Variants in BCAS3 observed in about 807,000 individuals in gnomAD.
BCAS3 encodes BCAS4/BCAS3 fusion.
In BCAS3, 53 loss-of-function variants were observed where a neutral mutation model predicts 116.1. That is an observed-to-expected ratio of 0.46 (90% CI 0.37 to 0.57). The LOEUF is 0.57. Ranked by LOEUF, BCAS3 falls within the 20% of genes least tolerant of loss-of-function variation. The pLI is 0.00. For missense variants in BCAS3, 917 were observed against 1,165.4 expected (o/e 0.79, Z 3.10); for synonymous variants, 391 against 408.2 (o/e 0.96, Z 0.51).
chr17:61,052,441 T>G (rs2068943958), intron 19 of BCAS3, among the ~76,000 whole-genome samples: 1 of 152,162 alleles, frequency 6.6e-6, no homozygotes, highest in South Asian at 2.1e-4. Flanking sequence ...TGGAATATTA[T>G]GGAACCATAG....
At chr17:60,723,843 T>C (rs1326341468) in intron 5 of BCAS3, among the ~76,000 whole-genome samples, 1 of 150,398 alleles carries the variant, frequency 6.6e-6, no homozygotes, top group African/African-American at 2.4e-5. Flanking sequence ...CTCAGCCTTC[T>C]GAGTAGCTAG....
rs1284953836 is a variant in BCAS3, at chr17:61,017,798, T to G, written c.1637+1897T>G. On this transcript the variant is annotated intron_variant, in intron 16 of 23. Transcript: ENST00000407086. This position sits in a 1 kb window ranked among gnomAD's most constrained non-coding sequence, Gnocchi z 4.7. The stretch of plus-strand genomic sequence containing the variant: ...CATAAGAAGATAAAATCTCTTGCTT[T>G]CTTTCTCTCTCTCTCCCTCTTACAA... 3.9e-5 allele frequency among the ~76,000 whole-genome samples: 6 copies of G among 152,178 alleles called. No individual in the cohort carries two copies. The highest frequency in any genetic ancestry group is 1.4e-4 in the African/African-American group (6 of 41,454).
rs2058862737 is a variant in BCAS3, at chr17:61,368,532, G to A, written c.2593+38G>A. On this transcript the variant is annotated intron_variant, in intron 23 of 23. Coordinates refer to ENST00000407086, the MANE Select transcript of BCAS3 (RefSeq NM_017679.5). This position sits in a 1 kb window ranked among gnomAD's most constrained non-coding sequence, Gnocchi z 6.0. ...TCAGACTTCTAGCCTGATTTGGTCA[G>A]GACCAGCACCTGTTGGTGCAGAGCT... The A allele has an allele frequency of 1.9e-6, 3 of 1,552,880 alleles. No homozygotes were observed. The highest frequency in any genetic ancestry group is 2.7e-5 in the African/African-American group (2 of 73,684).
In BCAS3 at chr17:61,213,447, T is replaced by G. The variant is rs1601942921; in HGVS notation, c.2425+128883T>G. On this transcript the variant is annotated intron_variant, in intron 22 of 23. Coordinates refer to ENST00000407086, the MANE Select transcript of BCAS3 (RefSeq NM_017679.5). This position sits in a 1 kb window ranked among gnomAD's most constrained non-coding sequence, Gnocchi z 5.4. The stretch of plus-strand genomic sequence containing the variant: ...CTTCCCAAAGTGCTGGGATTACAGG[T>G]GTGAGCCACCGCGCCTGGCCTATTC... Among the ~76,000 whole-genome samples the G allele has an allele frequency of 6.6e-6, 1 of 152,234 alleles. No individual in the cohort carries two copies. Among genetic ancestry groups the G allele is most frequent in the East Asian group, 1.9e-4 (1 of 5,170 alleles).
intron 16 of BCAS3, among the ~76,000 whole-genome samples, chr17:61,033,297 A>G (rs560491330): frequency 6.6e-6 from 1 of 152,276 alleles, no homozygotes; most frequent in South Asian, 2.1e-4. Context: ...CTGATTTAGT[A>G]GGTCTGGGAT....
At chr17:60,877,791 C>T (rs1263697358) in intron 9 of BCAS3, among the ~76,000 whole-genome samples, 2 of 152,146 alleles carry the variant, frequency 1.3e-5, no homozygotes, top group African/African-American at 4.8e-5. Flanking sequence ...AAGATTATCA[C>T]TTATTCTCTC....
chr17:60,929,421 C>T (rs190487963), intron 13 of BCAS3, among the ~76,000 whole-genome samples: 217 of 152,040 alleles, frequency 1.4e-3, no homozygotes, highest in Non-Finnish European at 2.6e-3. Flanking sequence ...GAGTAAGAGC[C>T]TGTCTGGAAA....
intron 13 of BCAS3, among the ~76,000 whole-genome samples, chr17:60,938,774 A>G (rs1599827644): frequency 6.6e-6 from 1 of 151,514 alleles, no homozygotes; most frequent in Non-Finnish European, 1.5e-5. Context: ...AAAACATACA[A>G]TTTAAAATGA....
At chr17:61,101,341 A>G (rs2074315589) in intron 22 of BCAS3, among the ~76,000 whole-genome samples, 1 of 152,296 alleles carries the variant, frequency 6.6e-6, no homozygotes, top group Admixed American at 6.5e-5. Context: ...TCCACTTAAG[A>G]ATCGTGATAG....
intron 7 of BCAS3, among the ~76,000 whole-genome samples, chr17:60,864,652 C>T (rs531160526): frequency 1.6e-4 from 24 of 152,192 alleles, no homozygotes; most frequent in Non-Finnish European, 3.2e-4. Context: ...TGGAGTAGCA[C>T]TTTTAATTTC....
intron 22 of BCAS3, among the ~76,000 whole-genome samples, chr17:61,201,675 T>G (rs901524055): frequency 1.3e-5 from 2 of 152,142 alleles, no homozygotes; most frequent in Non-Finnish European, 2.9e-5. Flanking sequence ...ACGTTCCACG[T>G]TCAATCTGAA....
intron 3 of BCAS3, among the ~76,000 whole-genome samples, chr17:60,687,103 T>G (rs1381413398): frequency 6.6e-6 from 1 of 152,176 alleles, no homozygotes. Flanking sequence ...TATATAAAAT[T>G]CAAAAATAAC....
In BCAS3 at chr17:61,332,432, C is replaced by T. The variant is rs2056368204; in HGVS notation, c.2426-35895C>T. ...CCCTGCTTGCCATGTTTGTGAGGGG[C>T]AAACACTTCACTGGTTGGTAGGGCT... On this transcript the variant is annotated intron_variant, in intron 22 of 23. Transcript: ENST00000407086. This position sits in a 1 kb window ranked among gnomAD's most constrained non-coding sequence, Gnocchi z 5.4. Among the ~76,000 whole-genome samples the T allele has an allele frequency of 3.3e-5, 5 of 152,142 alleles. No homozygotes were observed. The South Asian group carries it at 1.0e-3, about 32-fold the overall frequency.
At chr17:60,697,962 G>A (rs1315528144) in intron 4 of BCAS3, among the ~76,000 whole-genome samples, 1 of 151,732 alleles carries the variant, frequency 6.6e-6, no homozygotes, top group Non-Finnish European at 1.5e-5. Context: ...GGCAGATCAC[G>A]AGGTCAGGAG....
intron 19 of BCAS3, among the ~76,000 whole-genome samples, chr17:61,045,865 A>ATATTAATATATATTATATATAT (rs757031336): frequency 2.5e-4 from 1 of 3,962 alleles, no homozygotes; most frequent in Non-Finnish European, 4.3e-4. Context: ...ATATATATAT[A>ATATTAATATATATTATATATAT]AATATATATA....
Position 61,317,262 on chromosome 17 carries a change from A to G in BCAS3, c.2426-51065A>G, listed in dbSNP as rs528800879. ...TGTCCTCACTAGCTTGAGACAAAGT[A>G]GAAAGGCCAGAGAGAGGGGACTCCT... On this transcript the variant is annotated intron_variant, in intron 22 of 23. Transcript: ENST00000407086. Among the ~76,000 whole-genome samples, 23 of 152,354 alleles carry G rather than the reference A, an allele frequency of 1.5e-4. No individual in the cohort carries two copies. In the South Asian group the frequency reaches 4.4e-3, roughly 29 times the overall value.
At position 60,758,505 on chromosome 17, in the gene BCAS3, C is replaced by T. The variant is rs541276485; in HGVS notation, c.403+11226C>T. Among the ~76,000 whole-genome samples the T allele has an allele frequency of 3.3e-5, 5 of 152,202 alleles. No individual in the cohort carries two copies. In the East Asian group the frequency reaches 5.8e-4, roughly 18 times the overall value. On this transcript the variant is annotated intron_variant, in intron 6 of 23. Transcript: ENST00000407086. Reference sequence around the variant, plus strand: ...AAACAGTTCTTCTGCCTCAGCCTCCCGAGTAGCTGGGATTACAGGCTCCCA... The same window carrying T: ...AAACAGTTCTTCTGCCTCAGCCTCCTGAGTAGCTGGGATTACAGGCTCCCA...
chr17:61,386,461 C>T (rs1322349597), intron 23 of BCAS3, among the ~76,000 whole-genome samples: 1 of 152,244 alleles, frequency 6.6e-6, no homozygotes, highest in Non-Finnish European at 1.5e-5. Flanking sequence ...GCAGCCAGGG[C>T]CCAGTCACAG....
intron 6 of BCAS3, among the ~76,000 whole-genome samples, chr17:60,798,007 C>A (rs1383205915): frequency 1.3e-5 from 2 of 152,168 alleles, no homozygotes; most frequent in Non-Finnish European, 2.9e-5. Context: ...TGCCACTGCA[C>A]TCCAGCTTGG....
Sources: gnomAD v4.1 joint callset for allele counts (sites outside exome capture counted in the v4.1 genomes callset) on GRCh38, gnomAD v4.1.1 for gene constraint, Gnocchi (gnomAD v3.1) non-coding constraint, MANE v1.5 for transcripts, NCBI Gene and HGNC (gene_info 2026-07-23, HGNC 2026-07-21) for gene names.